Variants in DPP10 observed in about 807,000 individuals in gnomAD.
DPP10 encodes the protein inactive dipeptidyl peptidase 10.
A neutral mutation model predicts 120.9 loss-of-function variants in DPP10; 33 were observed. The ratio of observed to expected loss-of-function variants is 0.27; its 90% confidence interval spans 0.21 to 0.37. DPP10 has a LOEUF of 0.37. Among genes scored for constraint, DPP10 ranks in the 10% least tolerant of loss-of-function variants. DPP10 has a pLI of 1.00. For synonymous variants in DPP10, 337 were observed against 326.1 expected (o/e 1.03, Z -0.36); for missense variants, 816 against 942.8 (o/e 0.87, Z 1.76).
chr2:114,651,526 T>C (rs926785304), intron 1 of DPP10, among the ~76,000 whole-genome samples: 3 of 152,184 alleles, frequency 2.0e-5, no homozygotes, highest in African/African-American at 7.2e-5. Context: ...TTTGCATTTC[T>C]TATAAGCTCC....
chr2:115,676,726 A>T (rs1297559514), intron 5 of DPP10, among the ~76,000 whole-genome samples: 1 of 152,200 alleles, frequency 6.6e-6, no homozygotes, highest in African/African-American at 2.4e-5. Context: ...TATTGGAATC[A>T]TGGAAGTTCC....
At chr2:114,748,188 C>T (rs914376077) in intron 1 of DPP10, among the ~76,000 whole-genome samples, 74 of 151,808 alleles carry the variant, frequency 4.9e-4, no homozygotes, top group African/African-American at 1.5e-3. Context: ...AATCTGTTTT[C>T]GTTTTTGTTT....
chr2:115,810,030 G>A (rs1325707945), intron 19 of DPP10, among the ~76,000 whole-genome samples: 5 of 152,014 alleles, frequency 3.3e-5, no homozygotes, highest in Non-Finnish European at 7.4e-5. Context: ...AGGCATGGTG[G>A]CGGGAGCCTG....
intron 3 of DPP10, among the ~76,000 whole-genome samples, chr2:115,482,995 A>C (rs1449737323): frequency 2.0e-5 from 3 of 152,110 alleles, no homozygotes; most frequent in Non-Finnish European, 4.4e-5. Context: ...ATATATACTC[A>C]GTCTTATTCA....
chr2:114,809,974 C>T (rs781624282), intron 1 of DPP10, among the ~76,000 whole-genome samples: 1 of 152,132 alleles, frequency 6.6e-6, no homozygotes, highest in African/African-American at 2.4e-5. Flanking sequence ...GTATATCCAG[C>T]CCCATCTTCT....
chr2:115,132,395 C>G (rs1186680594), intron 1 of DPP10, among the ~76,000 whole-genome samples: 3 of 152,156 alleles, frequency 2.0e-5, no homozygotes, highest in African/African-American at 7.2e-5. Context: ...AATGGAGATT[C>G]TCTACTGATG....
chr2:115,537,467 G>C (rs1458322197), intron 5 of DPP10, among the ~76,000 whole-genome samples: 1 of 151,818 alleles, frequency 6.6e-6, no homozygotes, highest in Non-Finnish European at 1.5e-5. Context: ...TCTATTATAA[G>C]GCTTTAGAGA....
At chr2:114,708,337 G>A (rs1477885760) in intron 1 of DPP10, among the ~76,000 whole-genome samples, 1 of 152,104 alleles carries the variant, frequency 6.6e-6, no homozygotes, top group Non-Finnish European at 1.5e-5. Context: ...CCTGTTCCAG[G>A]AGGGATGACA....
intron 1 of DPP10, among the ~76,000 whole-genome samples, chr2:114,652,336 G>A (rs923727047): frequency 1.3e-5 from 2 of 152,192 alleles, no homozygotes; most frequent in African/African-American, 4.8e-5. Context: ...AGCTTCTGGA[G>A]GCACATCCTA....
chr2:115,227,278 A>C (rs2057481229), intron 1 of DPP10, among the ~76,000 whole-genome samples: 1 of 152,170 alleles, frequency 6.6e-6, no homozygotes, highest in African/African-American at 2.4e-5. Flanking sequence ...AGACTCTACT[A>C]ATTTTAGCAA....
At position 114,814,925 on chromosome 2, in the gene DPP10, C is replaced by T. The variant is rs985522592; in HGVS notation, c.60+372087C>T. Among the ~76,000 whole-genome samples the T allele has an allele frequency of 1.5e-4, 23 of 152,086 alleles. No individual in the cohort carries two copies. In the East Asian group the frequency reaches 2.7e-3, roughly 18 times the overall value. On this transcript the variant is annotated intron_variant, in intron 1 of 25. Coordinates refer to ENST00000410059, the MANE Select transcript of DPP10 (RefSeq NM_020868.6). ...AGCTGCCATGGGCTTTTGTTGTCTACGGGTTTGGGGATGGGACATCCAGAG... is the reference window on the plus strand; with the variant it reads ...AGCTGCCATGGGCTTTTGTTGTCTATGGGTTTGGGGATGGGACATCCAGAG...
chr2:114,748,472 T>A lies in DPP10; in HGVS notation c.60+305634T>A, dbSNP rs1330787783. Among the ~76,000 whole-genome samples, 7 of 143,808 alleles carry A rather than the reference T, an allele frequency of 4.9e-5. No individual in the cohort carries two copies. In the South Asian group the frequency reaches 1.6e-3, roughly 32 times the overall value. The allele number at this position is 143,808 out of a possible 152,430, so 94.3% of individuals were successfully genotyped here. A position where few individuals can be genotyped will look rare whatever the true frequency, so the allele number is the denominator to read the frequency against. On this transcript the variant is annotated intron_variant, in intron 1 of 25. Transcript: ENST00000410059. ...CATTGTGCAGGTTAGTTACATATGT[T>A]TACATGTGCCATGCTGGTGCACTGC... is the stretch of plus-strand genomic sequence containing the variant.
At chr2:115,836,117 GAGAT>G (rs777381205) in intron 21 of DPP10, 36 bp from the exon 22 acceptor site, 3 of 891,402 alleles carry the variant, frequency 3.4e-6, no homozygotes, top group East Asian at 3.3e-5. Flanking sequence ...GTGTGTGTGT[GAGAT>G]ATATATATAT....
At chr2:115,298,331 T>C (rs2060977502) in intron 1 of DPP10, among the ~76,000 whole-genome samples, 1 of 152,084 alleles carries the variant, frequency 6.6e-6, no homozygotes, top group African/African-American at 2.4e-5. Flanking sequence ...GTAACAGAGC[T>C]AGTAAATAGA....
Position 115,105,973 on chromosome 2 carries a change from T to G in DPP10, c.61-203266T>G, listed in dbSNP as rs556271926. Reference sequence around the variant, plus strand: ...AAACCTTCTAATTTTTATTTTTTAATGTAACTTAGAGGCTTTAAGTCACAG... The same window carrying G: ...AAACCTTCTAATTTTTATTTTTTAAGGTAACTTAGAGGCTTTAAGTCACAG... On this transcript the variant is annotated intron_variant, in intron 1 of 25. Transcript: ENST00000410059. Among the ~76,000 whole-genome samples, 11 of 152,316 alleles carry G rather than the reference T, an allele frequency of 7.2e-5. No homozygotes were observed. In the South Asian group the frequency reaches 8.3e-4, roughly 11 times the overall value.
At chr2:115,782,743 A>G (rs1682918371) in intron 17 of DPP10, among the ~76,000 whole-genome samples, 1 of 152,128 alleles carries the variant, frequency 6.6e-6, no homozygotes, top group Admixed American at 6.6e-5. Context: ...TTATTCCTCC[A>G]GAATAACCTT....
chr2:115,241,028 T>C (rs1048898141), intron 1 of DPP10, among the ~76,000 whole-genome samples: 1 of 152,126 alleles, frequency 6.6e-6, no homozygotes, highest in African/African-American at 2.4e-5. Flanking sequence ...CCCAGCACTT[T>C]GGGAGTCCAA....
chr2:115,309,188 A>G, intron 1 of DPP10, 51 bp from the exon 2 acceptor site: 1 of 1,426,040 alleles, frequency 7.0e-7, no homozygotes, highest in Non-Finnish European at 9.8e-7. Context: ...TTATGAATAC[A>G]TTTCTCTTGG....
chr2:114,663,078 C>G (rs72955605), intron 1 of DPP10, among the ~76,000 whole-genome samples: 2,025 of 151,918 alleles, frequency 0.013, 45 homozygotes, highest in African/African-American at 0.047. Context: ...ATGTACATAT[C>G]CATATATATG....
Sources: allele counts gnomAD v4.1 joint callset (sites outside exome capture counted in the v4.1 genomes callset), GRCh38; gene constraint gnomAD v4.1.1; transcripts MANE v1.5; gene names NCBI Gene and HGNC (gene_info 2026-07-23, HGNC 2026-07-21).